Variants in ACIN1 observed in about 807,000 individuals in gnomAD.
ACIN1 encodes the protein apoptotic chromatin condensation inducer 1, also known as apoptotic chromatin condensation inducer in the nucleus.
In ACIN1, 16 loss-of-function variants were observed where a neutral mutation model predicts 146.6. That is an observed-to-expected ratio of 0.11 (90% CI 0.07 to 0.17). The LOEUF (loss-of-function observed/expected upper bound fraction) is 0.17, where lower values mean the gene tolerates loss of function less well. ACIN1 is among the 10% of genes least tolerant of loss of function. The pLI is 1.00. For synonymous variants in ACIN1, 569 were observed against 582.7 expected (o/e 0.98, Z 0.34); for missense variants, 1,357 against 1,609.3 (o/e 0.84, Z 2.68).
intron 1 of ACIN1, among the ~76,000 whole-genome samples, chr14:23,093,899 A>T (rs1690414979): frequency 6.6e-6 from 1 of 152,222 alleles, no homozygotes; most frequent in Non-Finnish European, 1.5e-5. Flanking sequence ...ATGTAAAATT[A>T]CTTAAAATAC....
At position 23,068,494 on chromosome 14, in the gene ACIN1, G is replaced by A. The variant is rs1390125831; in HGVS notation, c.2265+982C>T. The stretch of plus-strand genomic sequence containing the variant: ...TGTAAGCAAGACAGGGAGGCAAAAG[G>A]GGGCCCATCACAGGAGCCCATATAC... On this transcript the variant is annotated intron_variant, in intron 9 of 18. Transcript: ENST00000605057. The surrounding 1 kb of genome is among the most constrained non-coding windows in gnomAD (Gnocchi z 4.3). The A allele has an allele frequency of 1.0e-6, 1 of 985,758 alleles. No individual in the cohort carries two copies. The highest frequency in any genetic ancestry group is 1.7e-5 in the African/African-American group (1 of 57,212). The allele number at this position is 985,758 out of a possible 1,614,324, so 61.1% of individuals were successfully genotyped here.
intron 2 of ACIN1, 151 bp from the exon 3 acceptor site, chr14:23,090,784 T>C (rs2048209220): frequency 5.2e-6 from 3 of 573,952 alleles, no homozygotes; most frequent in East Asian, 2.9e-5. Flanking sequence ...GTTAGTTCTA[T>C]ATTGAAGAAC....
intron 4 of ACIN1, among the ~76,000 whole-genome samples, chr14:23,082,437 ATTTTTT>A (rs11378976): frequency 4.8e-4 from 46 of 95,812 alleles, no homozygotes; most frequent in Admixed American, 9.7e-4. Flanking sequence ...AGAGCTCAAT[ATTTTTT>A]TTTTTTTTTT....
chr14:23,080,392 C>T lies in ACIN1; in HGVS notation c.943G>A (p.Glu315Lys), dbSNP rs765838499. 12 of 1,614,024 alleles carry T rather than the reference C, an allele frequency of 7.4e-6. No homozygotes were observed. The highest frequency in any genetic ancestry group is 1.0e-5 in the Non-Finnish European group (12 of 1,180,010). The change falls in exon 6 of 19, where the codon GAA becomes AAA. Residue 315 changes from glutamate to lysine, a missense_variant. This residue lies in a region of ACIN1 where 771 missense variants were observed against 746.6 expected (regional missense o/e 1.03). Coordinates refer to ENST00000605057, the MANE Select transcript of ACIN1 (RefSeq NM_001386863.1). ...TTTAAGCCTTGTGAAGATTTTATTT[C>T]TCTTTCTTCCTCCTCAAGGGGAGAT... The part of the protein sequence containing the change: ...TTSPLEEEER[E>K]IKSSQGLKEK...
upstream of ACIN1, chr14:23,095,137 C>T (rs745987836): frequency 3.0e-5 from 49 of 1,614,144 alleles, no homozygotes; most frequent in Admixed American, 2.0e-4. Context: ...TCGGGTCCGT[C>T]CCGACGGCTT....
chr14:23,067,670 T>C lies in ACIN1; in HGVS notation c.2266-1662A>G. 2 of 985,740 alleles carry C rather than the reference T, an allele frequency of 2.0e-6. No individual in the cohort carries two copies. Among genetic ancestry groups the C allele is most frequent in the Non-Finnish European group, 2.4e-6 (2 of 829,952 alleles). The allele number at this position is 985,740 out of a possible 1,614,324, so 61.1% of individuals were successfully genotyped here. On this transcript the variant is annotated intron_variant, in intron 9 of 18. Transcript: ENST00000605057. The surrounding 1 kb of genome is among the most constrained non-coding windows in gnomAD (Gnocchi z 4.6). Reference sequence around the variant, plus strand: ...AGTCCCTGATGAGATGGCCTGTGAGTAGCAGGAATGATCCTTGCCTTTTAT... The same window carrying C: ...AGTCCCTGATGAGATGGCCTGTGAGCAGCAGGAATGATCCTTGCCTTTTAT...
At chr14:23,071,533 C>G in intron 8 of ACIN1, 1 of 1,551,284 alleles carries the variant, frequency 6.4e-7, no homozygotes, top group Non-Finnish European at 8.7e-7. Flanking sequence ...CAGCGATCAG[C>G]CGGAGACATG....
Position 23,079,725 on chromosome 14 carries a change from G to T in ACIN1, c.1610C>A (p.Ser537Tyr). 6.2e-7 allele frequency: 1 copy of T among 1,614,194 alleles called. No homozygotes were observed. The highest frequency in any genetic ancestry group is 8.5e-7 in the Non-Finnish European group (1 of 1,180,030). Reference protein sequence around the residue: ...SSSSSRSRSRSPDSSGSRSHS... With the variant: ...SSSSSRSRSRYPDSSGSRSHS... ...AGACCGAGAACCTGAACTGTCAGGA[G>T]AGCGAGATCTTGATCTAGAACTGGA... The change falls in exon 6 of 19, where the codon TCT (serine) becomes TAT (tyrosine). Residue 537 changes from serine to tyrosine, a missense_variant. This residue lies in a region of ACIN1 where 771 missense variants were observed against 746.6 expected (regional missense o/e 1.03). Transcript: ENST00000605057.
At position 23,059,109 on chromosome 14, in the gene ACIN1, G is replaced by T. The variant is rs1380138378; in HGVS notation, c.*39C>A. ...CCCTCTGTGGCCATAACCCCCTGGGGCCGAGTGGCTGGTACCTGCAGCTCT... is the reference window on the plus strand; with the variant it reads ...CCCTCTGTGGCCATAACCCCCTGGGTCCGAGTGGCTGGTACCTGCAGCTCT... On this transcript the variant is annotated 3_prime_UTR_variant, in exon 19 of 19. Coordinates refer to ENST00000605057, the MANE Select transcript of ACIN1 (RefSeq NM_001386863.1). 1.3e-6 allele frequency: 2 copies of T among 1,598,358 alleles called. No individual in the cohort carries two copies. The highest frequency in any genetic ancestry group is 3.4e-5 in the Admixed American group (2 of 59,602).
Position 23,067,433 on chromosome 14 carries a change from CAA to C in ACIN1, c.2266-1427_2266-1426del. On this transcript the variant is annotated intron_variant, in intron 9 of 18. Coordinates refer to ENST00000605057, the MANE Select transcript of ACIN1 (RefSeq NM_001386863.1). This position sits in a 1 kb window ranked among gnomAD's most constrained non-coding sequence, Gnocchi z 4.6. ...TGCAATTGGTGGGGGGTTGGGTTGG[CAA>C]AAAAGGTGGGCGCACGGCGTGGTAG... 1 of 947,874 alleles carries C rather than the reference CAA, an allele frequency of 1.1e-6. No individual in the cohort carries two copies. The highest frequency in any genetic ancestry group is 1.2e-6 in the Non-Finnish European group (1 of 818,448). 58.7% of individuals were successfully genotyped at this position (947,874 alleles called of 1,614,324 possible).
chr14:23,063,139 G>T, intron 13 of ACIN1, 65 bp from the exon 14 acceptor site: 1 of 1,493,316 alleles, frequency 6.7e-7, no homozygotes, highest in South Asian at 1.3e-5. Flanking sequence ...CACCCTCAAT[G>T]TAACTCTCAC....
chr14:23,083,314 C>G (rs990393433), intron 4 of ACIN1, among the ~76,000 whole-genome samples: 2 of 152,046 alleles, frequency 1.3e-5, no homozygotes, highest in Admixed American at 1.3e-4. Flanking sequence ...AAGTAATCCT[C>G]CCACCCCGGT....
intron 8 of ACIN1, among the ~76,000 whole-genome samples, chr14:23,074,717 A>G (rs374077571): frequency 9.2e-4 from 140 of 152,330 alleles, no homozygotes; most frequent in African/African-American, 3.2e-3. Context: ...AGCAGTGGGG[A>G]TATCTACCCA....
rs1159894752 is a variant in ACIN1, at chr14:23,061,409, G to C, written c.3313C>G (p.Arg1105Gly). Residue 1105 changes from arginine to glycine, a missense_variant, in exon 17 of 19, where the codon CGT becomes GGT. Around this residue, in one of 4 missense-constraint regions of ACIN1, gnomAD observed 509 missense variants for 719.6 expected, o/e 0.71. Coordinates refer to ENST00000605057, the MANE Select transcript of ACIN1 (RefSeq NM_001386863.1). The part of the protein sequence containing the change: ...MERRERTRSE[R>G]EWDRDKVREG... ...CGAACTTTGTCCCGATCCCATTCAC[G>C]CTCTGATCGAGTCCGCTCCCGCCGC... 6.2e-7 allele frequency: 1 copy of C among 1,613,748 alleles called. No individual in the cohort carries two copies. The highest frequency in any genetic ancestry group is 8.5e-7 in the Non-Finnish European group (1 of 1,180,006).
Position 23,059,259 on chromosome 14 carries a change from A to ATCCCGATCTCGGTCCCCCCTG in ACIN1, c.3720_3740dup (p.Gly1242_Arg1248dup). The stretch of plus-strand genomic sequence containing the variant: ...TGCCTCGTTCTCGGTCCCTTTCCCT[A>ATCCCGATCTCGGTCCCCCCTG]TCCCGATCTCGGTCCCCCCTGTCCC... On this transcript the variant is annotated inframe_insertion, in exon 19 of 19. Transcript: ENST00000605057. 1 of 1,606,964 alleles carries ATCCCGATCTCGGTCCCCCCTG rather than the reference A, an allele frequency of 6.2e-7. No homozygotes were observed. Among genetic ancestry groups the ATCCCGATCTCGGTCCCCCCTG allele is most frequent in the Non-Finnish European group, 8.5e-7 (1 of 1,176,590 alleles).
Position 23,080,403 on chromosome 14 carries a change from T to C in ACIN1, c.932A>G (p.Glu311Gly), listed in dbSNP as rs751592487. 2 of 1,614,082 alleles carry C rather than the reference T, an allele frequency of 1.2e-6. No homozygotes were observed. Among genetic ancestry groups the C allele is most frequent in the Non-Finnish European group, 1.7e-6 (2 of 1,180,032 alleles). Residue 311 changes from glutamate to glycine, a missense_variant, in exon 6 of 19, where the codon GAG becomes GGG. Physicochemically the swap from Glu to Gly is moderately conservative, Grantham distance 98. Coordinates refer to ENST00000605057, the MANE Select transcript of ACIN1 (RefSeq NM_001386863.1). ...KEMKTTSPLEEEEREIKSSQG... is the reference protein window; with the variant it reads ...KEMKTTSPLEGEEREIKSSQG... ...TGAAGATTTTATTTCTCTTTCTTCC[T>C]CCTCAAGGGGAGATGTTGTTTTCAT...
intron 8 of ACIN1, chr14:23,071,671 G>A (rs183389022): frequency 2.6e-5 from 28 of 1,062,142 alleles, no homozygotes; most frequent in Non-Finnish European, 3.5e-5. Context: ...CCTTTGGCAG[G>A]CCACAGGGAG....
intron 5 of ACIN1, among the ~76,000 whole-genome samples, 185 bp downstream of exon 5, chr14:23,081,561 TCG>T (rs765121098): frequency 1.3e-3 from 193 of 152,184 alleles, no homozygotes; most frequent in Admixed American, 4.3e-3. Context: ...GCCTAGGAGG[TCG>T]AGGCTGTAGT....
chr14:23,063,750 T>C (rs1246485179), intron 12 of ACIN1, among the ~76,000 whole-genome samples, 173 bp from the exon 13 acceptor site: 2 of 152,216 alleles, frequency 1.3e-5, no homozygotes, highest in African/African-American at 4.8e-5. Context: ...TGCCTCAACT[T>C]TGCCTTGAGG....
Sources: gnomAD v4.1 joint callset for allele counts (sites outside exome capture counted in the v4.1 genomes callset) on GRCh38, gnomAD v4.1.1 for gene constraint, gnomAD v4.1.1 regional missense constraint, Gnocchi (gnomAD v3.1) non-coding constraint, MANE v1.5 for transcripts, NCBI Gene and HGNC (gene_info 2026-07-23, HGNC 2026-07-21) for gene names.